NELL1: variants seen among roughly 807,000 people sequenced by gnomAD.
The protein encoded by NELL1 is neural EGFL like 1.
NELL1 carries 76 observed loss-of-function variants against 107.4 expected under a neutral mutation model. The ratio of observed to expected loss-of-function variants is 0.71; its 90% confidence interval spans 0.59 to 0.86. NELL1 has a LOEUF of 0.86. Ranked by LOEUF, NELL1 falls within the 40% of genes least tolerant of loss-of-function variation. The pLI is 0.00. For missense variants in NELL1, 1,024 were observed against 1,005.5 expected, an observed-to-expected ratio of 1.02 and a Z score of -0.25; for synonymous variants, 353 against 341.2, an observed-to-expected ratio of 1.03 and a Z score of -0.38.
At chr11:21,259,263 A>G (rs1187110436) in intron 14 of NELL1, among the ~76,000 whole-genome samples, 2 of 151,836 alleles carry the variant, frequency 1.3e-5, no homozygotes, top group East Asian at 1.9e-4. Context: ...TAACTGTACA[A>G]TTCTATTGTG....
chr11:20,916,436 G>A (rs896745369), intron 5 of NELL1, among the ~76,000 whole-genome samples: 8 of 151,936 alleles, frequency 5.3e-5, no homozygotes, highest in African/African-American at 1.7e-4. Context: ...TTAGCGGGAT[G>A]GGGTATTATT....
At chr11:20,802,854 T>C (rs971197979) in intron 3 of NELL1, among the ~76,000 whole-genome samples, 6 of 152,232 alleles carry the variant, frequency 3.9e-5, no homozygotes, top group Non-Finnish European at 7.3e-5. Flanking sequence ...ATTCTGTTGA[T>C]ATGATGTATC....
At chr11:21,064,918 A>G (rs1853831954) in intron 12 of NELL1, among the ~76,000 whole-genome samples, 1 of 152,208 alleles carries the variant, frequency 6.6e-6, no homozygotes, top group South Asian at 2.1e-4. Flanking sequence ...ATCATTATGC[A>G]TACTTAAGTG....
At chr11:20,986,384 A>G (rs1851853227) in intron 12 of NELL1, among the ~76,000 whole-genome samples, 1 of 152,164 alleles carries the variant, frequency 6.6e-6, no homozygotes, top group African/African-American at 2.4e-5. Flanking sequence ...TGCATTTTTC[A>G]GCTGGCCATT....
intron 13 of NELL1, among the ~76,000 whole-genome samples, chr11:21,222,435 A>T (rs941276447): frequency 6.6e-6 from 1 of 151,104 alleles, no homozygotes; most frequent in Non-Finnish European, 1.5e-5. Flanking sequence ...TGACCTCATG[A>T]TCTGCCTGCC....
At chr11:20,967,511 G>C (rs912014574) in intron 12 of NELL1, among the ~76,000 whole-genome samples, 1 of 152,110 alleles carries the variant, frequency 6.6e-6, no homozygotes, top group Non-Finnish European at 1.5e-5. Flanking sequence ...TTTCGGGTAA[G>C]GGTACATCCA....
chr11:21,348,642 C>A (rs545944252), intron 14 of NELL1, among the ~76,000 whole-genome samples: 1 of 152,108 alleles, frequency 6.6e-6, no homozygotes, highest in Non-Finnish European at 1.5e-5. Flanking sequence ...CATTACCTGG[C>A]ACATGCTACA....
At chr11:20,847,948 A>G (rs1848730903) in intron 4 of NELL1, among the ~76,000 whole-genome samples, 195 bp downstream of exon 4, 1 of 152,218 alleles carries the variant, frequency 6.6e-6, no homozygotes, top group Non-Finnish European at 1.5e-5. Flanking sequence ...ACAGTTCATT[A>G]AGATGAAACT....
intron 12 of NELL1, among the ~76,000 whole-genome samples, chr11:21,062,374 G>A (rs984581376): frequency 6.6e-6 from 1 of 152,126 alleles, no homozygotes; most frequent in Non-Finnish European, 1.5e-5. Context: ...TTTCTTTTGA[G>A]TAGTGCTGAT....
intron 12 of NELL1, among the ~76,000 whole-genome samples, chr11:21,042,331 C>A (rs761199830): frequency 2.0e-5 from 3 of 152,096 alleles, no homozygotes; most frequent in African/African-American, 2.4e-5. Context: ...TATTAATGTC[C>A]TGTGGAACCA....
chr11:20,848,536 C>T (rs187940287), intron 4 of NELL1, among the ~76,000 whole-genome samples: 7 of 152,058 alleles, frequency 4.6e-5, no homozygotes, highest in South Asian at 2.1e-4. Context: ...GATAGTGACC[C>T]GAGTCCAATT....
intron 14 of NELL1, among the ~76,000 whole-genome samples, chr11:21,267,422 T>C (rs1055829351): frequency 6.6e-6 from 1 of 152,180 alleles, no homozygotes; most frequent in African/African-American, 2.4e-5. Context: ...ATTAACCATA[T>C]ATGCATTTTT....
chr11:21,399,932 C>T (rs913236881), intron 15 of NELL1, among the ~76,000 whole-genome samples: 3 of 151,746 alleles, frequency 2.0e-5, no homozygotes, highest in Admixed American at 6.6e-5. Flanking sequence ...CTGGGAAAGT[C>T]GATTTTTCCT....
intron 4 of NELL1, among the ~76,000 whole-genome samples, chr11:20,869,423 C>T (rs1331174373): frequency 6.6e-6 from 1 of 152,172 alleles, no homozygotes; most frequent in Non-Finnish European, 1.5e-5. Context: ...TTTTCATCAA[C>T]CTAGTATTCA....
chr11:21,037,484 A>G (rs76613352), intron 12 of NELL1, among the ~76,000 whole-genome samples: 21,961 of 152,026 alleles, frequency 0.14, 1,649 homozygotes, highest in South Asian at 0.19. Context: ...CTCATTATCC[A>G]TCTCCCTTTT....
At chr11:21,294,495 T>C (rs1849335240) in intron 14 of NELL1, among the ~76,000 whole-genome samples, 1 of 152,108 alleles carries the variant, frequency 6.6e-6, no homozygotes, top group South Asian at 2.1e-4. Context: ...AATCTGGTAA[T>C]TAATTGCATG....
intron 12 of NELL1, among the ~76,000 whole-genome samples, chr11:21,089,498 C>T (rs1854473795): frequency 6.6e-6 from 1 of 152,020 alleles, no homozygotes; most frequent in South Asian, 2.1e-4. Flanking sequence ...TGAAACAAAC[C>T]CCCCTCAGTA....
chr11:20,964,007 T>A (rs1245201168), intron 12 of NELL1, among the ~76,000 whole-genome samples: 1 of 152,142 alleles, frequency 6.6e-6, no homozygotes, highest in Admixed American at 6.6e-5. Context: ...ATAGCTGAAC[T>A]CCTGGCCAAT....
intron 13 of NELL1, among the ~76,000 whole-genome samples, chr11:21,215,042 G>C (rs1857584707): frequency 1.3e-5 from 2 of 152,244 alleles, no homozygotes; most frequent in South Asian, 2.1e-4. Flanking sequence ...TGGTTTGGCT[G>C]TGTCCCCACC....
Sources: gnomAD v4.1 joint callset for allele counts (sites outside exome capture counted in the v4.1 genomes callset) on GRCh38, gnomAD v4.1.1 for gene constraint, MANE v1.5 for transcripts, NCBI Gene and HGNC (gene_info 2026-07-23, HGNC 2026-07-21) for gene names.